Variants in SLCO1B3 observed in about 807,000 individuals in gnomAD.
The protein encoded by SLCO1B3 is liver-specific organic anion transporter 2.
Under a neutral mutation model 71.8 loss-of-function variants are expected in SLCO1B3, and 72 were observed. The observed-to-expected ratio is 1.00, with a 90% CI of 0.83 to 1.22. The LOEUF (loss-of-function observed/expected upper bound fraction) is 1.22, where lower values mean the gene tolerates loss of function less well. Among genes scored for constraint, SLCO1B3 ranks in the 50% most tolerant of loss-of-function variants. SLCO1B3 has a pLI of 0.00. For missense variants in SLCO1B3, 911 were observed against 819.7 expected (o/e 1.11, Z -1.36); for synonymous variants, 298 against 278.4 (o/e 1.07, Z -0.70).
chr12:20,887,008 T>C (rs1865803791), intron 13 of SLCO1B3, among the ~76,000 whole-genome samples: 1 of 152,048 alleles, frequency 6.6e-6, no homozygotes, highest in African/African-American at 2.4e-5. Flanking sequence ...CTCAGGATAA[T>C]GGCCTCCATT....
chr12:20,895,230 A>G (rs1299050314), intron 13 of SLCO1B3, among the ~76,000 whole-genome samples: 4 of 152,094 alleles, frequency 2.6e-5, no homozygotes, highest in African/African-American at 9.7e-5. Flanking sequence ...TTCAATACCA[A>G]TCATTCTTTC....
chr12:20,861,788 T>C (rs1865271006), intron 6 of SLCO1B3, among the ~76,000 whole-genome samples: 1 of 152,054 alleles, frequency 6.6e-6, no homozygotes, highest in South Asian at 2.1e-4. Flanking sequence ...TGGGAGAGTA[T>C]AAATTTCAAA....
At chr12:20,886,600 A>G (rs1229392035) in intron 13 of SLCO1B3, among the ~76,000 whole-genome samples, 1 of 152,070 alleles carries the variant, frequency 6.6e-6, no homozygotes, top group Non-Finnish European at 1.5e-5. Context: ...GAGAGTTCAT[A>G]GGAGTTATGG....
chr12:20,811,574 A>G (rs1864111115), intron 1 of SLCO1B3, among the ~76,000 whole-genome samples: 1 of 152,154 alleles, frequency 6.6e-6, no homozygotes, highest in African/African-American at 2.4e-5. Flanking sequence ...ATAACCCCTT[A>G]AATATGAAAA....
intron 13 of SLCO1B3, among the ~76,000 whole-genome samples, chr12:20,886,776 T>G (rs1478194929): frequency 6.6e-6 from 1 of 152,016 alleles, no homozygotes; most frequent in Non-Finnish European, 1.5e-5. Flanking sequence ...TGGATTATAT[T>G]GTGCAGTGGT....
chr12:20,860,239 G>A (rs1200777880), intron 5 of SLCO1B3, among the ~76,000 whole-genome samples: 1 of 152,144 alleles, frequency 6.6e-6, no homozygotes, highest in Non-Finnish European at 1.5e-5. Context: ...ACAGGCGTGA[G>A]CCACCGCGCC....
intron 12 of SLCO1B3, among the ~76,000 whole-genome samples, chr12:20,882,731 A>G (rs965507709): frequency 1.4e-4 from 21 of 152,114 alleles, no homozygotes; most frequent in Non-Finnish European, 2.6e-4. Context: ...TCCTTCAGTA[A>G]ATAGTCTTCA....
intron 5 of SLCO1B3, among the ~76,000 whole-genome samples, chr12:20,860,151 T>A: frequency 6.6e-6 from 1 of 152,038 alleles, no homozygotes; most frequent in Non-Finnish European, 1.5e-5. Context: ...GAGACGGGGT[T>A]TCACTGTGTT....
chr12:20,821,438 G>A (rs575667801), intron 3 of SLCO1B3, among the ~76,000 whole-genome samples: 1 of 152,254 alleles, frequency 6.6e-6, no homozygotes, highest in Non-Finnish European at 1.5e-5. Flanking sequence ...GGAGAAGAAG[G>A]AGGAATGGAA....
intron 6 of SLCO1B3, among the ~76,000 whole-genome samples, chr12:20,861,674 G>A (rs982347796): frequency 6.6e-6 from 1 of 152,012 alleles, no homozygotes; most frequent in Non-Finnish European, 1.5e-5. Flanking sequence ...TGAAGACTTT[G>A]TAACTATTAT....
At chr12:20,845,633 A>C (rs373905307) in intron 3 of SLCO1B3, among the ~76,000 whole-genome samples, 1 of 113,860 alleles carries the variant, frequency 8.8e-6, no homozygotes, top group African/African-American at 2.8e-5. Context: ...GAGATTTGTG[A>C]TGTATCATAT....
Position 20,916,419 on chromosome 12 carries a change from T to A in SLCO1B3, c.*172T>A. 1.8e-6 allele frequency: 1 copy of A among 540,974 alleles called. No homozygotes were observed. The highest frequency in any genetic ancestry group is 2.9e-5 in the South Asian group (1 of 34,248). 33.5% of individuals were successfully genotyped at this position (540,974 alleles called of 1,614,324 possible). The stretch of plus-strand genomic sequence containing the variant: ...TATAGCTATGCCTTTATGGTTAAGA[T>A]TAGAATATATGATCCATAAAAATTT... On this transcript the variant is annotated 3_prime_UTR_variant, in exon 16 of 16. Transcript: ENST00000381545.
rs546796475 is a variant in SLCO1B3, at chr12:20,861,249, C to A, written c.481+111C>A. Reference sequence around the variant, plus strand: ...TTGATTTAAGAACAAATAGGAAGAACATTTATCCCTTACATACAGACAAAA... The same window carrying A: ...TTGATTTAAGAACAAATAGGAAGAAAATTTATCCCTTACATACAGACAAAA... On this transcript the variant is annotated intron_variant, in intron 6 of 15. Coordinates refer to ENST00000381545, the MANE Select transcript of SLCO1B3 (RefSeq NM_019844.4). The A allele has an allele frequency of 1.0e-4, 97 of 972,114 alleles. 3 individuals carry two copies. The South Asian group carries it at 1.7e-3, about 17-fold the overall frequency. 60.2% of individuals were successfully genotyped at this position (972,114 alleles called of 1,614,324 possible). A position where few individuals can be genotyped will look rare whatever the true frequency, so the allele number is the denominator to read the frequency against.
intron 8 of SLCO1B3, among the ~76,000 whole-genome samples, chr12:20,869,083 G>C (rs572500040): frequency 8.3e-4 from 126 of 152,284 alleles, no homozygotes; most frequent in African/African-American, 2.9e-3. Flanking sequence ...CTGCGGGCAA[G>C]CCTGACTAAT....
At chr12:20,837,853 G>A (rs1229791765) in intron 3 of SLCO1B3, among the ~76,000 whole-genome samples, 1 of 152,012 alleles carries the variant, frequency 6.6e-6, no homozygotes, top group Non-Finnish European at 1.5e-5. Flanking sequence ...TTGATTAATG[G>A]TGTTATTAAG....
At chr12:20,819,042 G>A (rs967685847) in intron 3 of SLCO1B3, among the ~76,000 whole-genome samples, 2 of 152,208 alleles carry the variant, frequency 1.3e-5, no homozygotes, top group Non-Finnish European at 2.9e-5. Context: ...AGAGTGAGTT[G>A]AGCATAGTTT....
chr12:20,816,790 G>T (rs1196913744), intron 3 of SLCO1B3, among the ~76,000 whole-genome samples: 1 of 152,064 alleles, frequency 6.6e-6, no homozygotes, highest in African/African-American at 2.4e-5. Flanking sequence ...CTTCATAGTG[G>T]TCCTACTAAT....
chr12:20,868,620 G>C (rs1410333939), intron 8 of SLCO1B3, among the ~76,000 whole-genome samples: 2 of 151,400 alleles, frequency 1.3e-5, no homozygotes, highest in Non-Finnish European at 2.9e-5. Flanking sequence ...GTCTCTTACT[G>C]TGTGCGGAGA....
intron 14 of SLCO1B3, among the ~76,000 whole-genome samples, chr12:20,900,225 A>G (rs996467179): frequency 2.6e-5 from 4 of 152,164 alleles, no homozygotes; most frequent in African/African-American, 2.4e-5. Context: ...GCCTCAGACA[A>G]CATTCCCTTG....
Sources: gnomAD v4.1 joint callset for allele counts (sites outside exome capture counted in the v4.1 genomes callset) on GRCh38, gnomAD v4.1.1 for gene constraint, MANE v1.5 for transcripts, NCBI Gene and HGNC (gene_info 2026-07-23, HGNC 2026-07-21) for gene names.